The following SPPL2A variants were observed in gnomAD, a reference collection of about 807,000 sequenced individuals.
The protein encoded by SPPL2A is signal peptide peptidase like 2A.
A neutral mutation model predicts 63.8 loss-of-function variants in SPPL2A; 51 were observed. The observed-to-expected ratio is 0.80, with a 90% CI of 0.64 to 1.01. The LOEUF (loss-of-function observed/expected upper bound fraction) is 1.01, where lower values mean the gene tolerates loss of function less well. Ranked by LOEUF, SPPL2A falls within the 50% of genes least tolerant of loss-of-function variation. SPPL2A has a pLI of 0.00. For synonymous variants in SPPL2A, 188 were observed against 205.8 expected (o/e 0.91, Z 0.74); for missense variants, 553 against 622.7 (o/e 0.89, Z 1.19).
intron 14 of SPPL2A, among the ~76,000 whole-genome samples, chr15:50,712,174 T>C (rs1423140060): frequency 2.0e-5 from 3 of 152,190 alleles, no homozygotes; most frequent in Admixed American, 2.0e-4. Flanking sequence ...TAACAGCTAA[T>C]ACTTAGTGAG....
chr15:50,726,748 C>G (rs916472597), intron 10 of SPPL2A, among the ~76,000 whole-genome samples: 5 of 152,128 alleles, frequency 3.3e-5, no homozygotes, highest in African/African-American at 1.2e-4. Flanking sequence ...ACTATATGTT[C>G]TTAGCAGTTT....
chr15:50,720,772 A>G (rs574601220), intron 13 of SPPL2A, among the ~76,000 whole-genome samples: 16 of 152,000 alleles, frequency 1.1e-4, no homozygotes, highest in African/African-American at 3.9e-4. Flanking sequence ...CACCCGCTTC[A>G]GCCTCCCGAA....
intron 14 of SPPL2A, among the ~76,000 whole-genome samples, chr15:50,716,339 T>G (rs1296548157): frequency 6.6e-6 from 1 of 151,812 alleles, no homozygotes; most frequent in Non-Finnish European, 1.5e-5. Flanking sequence ...GGATTACAAG[T>G]ATGTGCCACC....
Position 50,753,341 on chromosome 15 carries a change from G to C in SPPL2A, c.67-3595C>G, listed in dbSNP as rs149766488. 5.1e-4 allele frequency among the ~76,000 whole-genome samples: 77 copies of C among 152,328 alleles called. No individual in the cohort carries two copies. The East Asian group carries it at 0.014, about 28-fold the overall frequency. ...TGCAGCAAATTTTGTGAGGGAGCCA[G>C]CATGCCCAAACAAGTTAAGCCTTTC... is the stretch of plus-strand genomic sequence containing the variant. On this transcript the variant is annotated intron_variant, in intron 1 of 14. Transcript: ENST00000261854.
At chr15:50,719,903 CATAAG>C (rs5812526) in intron 14 of SPPL2A, 32 bp downstream of exon 14, 456,511 of 1,543,446 alleles carry the variant, frequency 0.3, 71,368 homozygotes, top group East Asian at 0.53. Flanking sequence ...TAAATTAAGC[CATAAG>C]ATAACTTGGT....
At chr15:50,740,740 A>G (rs1011301392) in intron 5 of SPPL2A, among the ~76,000 whole-genome samples, 3 of 151,970 alleles carry the variant, frequency 2.0e-5, no homozygotes, top group African/African-American at 7.2e-5. Context: ...CCTCCCAAGT[A>G]GCTGGGACTA....
rs148403812 is a variant in SPPL2A, at chr15:50,740,826, G to C, written c.585-998C>G. 3.8e-4 allele frequency among the ~76,000 whole-genome samples: 58 copies of C among 152,194 alleles called. 1 individual carries two copies. In the East Asian group the frequency reaches 0.011, roughly 29 times the overall value. ...GGGTTTCACCATGTTGCCCTGGCTG[G>C]TCTCGAACTGAGCTCAGGCAAACCA... On this transcript the variant is annotated intron_variant, in intron 5 of 14. Coordinates refer to ENST00000261854, the MANE Select transcript of SPPL2A (RefSeq NM_032802.4).
intron 10 of SPPL2A, among the ~76,000 whole-genome samples, chr15:50,728,111 A>G (rs951555348): frequency 6.6e-6 from 1 of 152,232 alleles, no homozygotes. Context: ...AGTGAAGAGT[A>G]GTGTCAGAAT....
Position 50,739,709 on chromosome 15 carries a change from A to G in SPPL2A, c.704T>C (p.Val235Ala). The change falls in exon 6 of 15, where the codon GTC (valine) becomes GCC (alanine). Residue 235 changes from valine (V) to alanine (A), a missense_variant. By Grantham distance (64) the Val-to-Ala change is moderately conservative. Coordinates refer to ENST00000261854, the MANE Select transcript of SPPL2A (RefSeq NM_032802.4). Reference sequence around the variant, plus strand: ...CCATTTGTAGAAGAAATAAAGTAAGACCATCATAACACAGCAGATGACCAC... The same window carrying G: ...CCATTTGTAGAAGAAATAAAGTAAGGCCATCATAACACAGCAGATGACCAC... Reference protein sequence around the residue: ...IFVVICCVMMVLLYFFYKWLV... With the variant: ...IFVVICCVMMALLYFFYKWLV... The G allele has an allele frequency of 6.3e-7, 1 of 1,593,022 alleles. No individual in the cohort carries two copies. The highest frequency in any genetic ancestry group is 8.5e-7 in the Non-Finnish European group (1 of 1,173,332).
rs190896842 is a variant in SPPL2A at position 50,764,904 on chromosome 15, C to A, written c.66+564G>T. ...TTATTTTAAATTACTGCTATTAAAA[C>A]CCCCCCTCCAAAAAAAAAAAACCCT... is the stretch of plus-strand genomic sequence containing the variant. On this transcript the variant is annotated intron_variant, in intron 1 of 14. Transcript: ENST00000261854. Among the ~76,000 whole-genome samples, 504 of 135,810 alleles carry A rather than the reference C, an allele frequency of 3.7e-3. 4 individuals are homozygous for A. The highest frequency in any genetic ancestry group is 0.014 in the African/African-American group (490 of 35,152). The allele number at this position is 135,810 out of a possible 152,430, so 89.1% of individuals were successfully genotyped here. A position where few individuals can be genotyped will look rare whatever the true frequency, so the allele number is the denominator to read the frequency against.
chr15:50,748,770 C>T lies in SPPL2A; in HGVS notation c.278G>A (p.Gly93Glu), dbSNP rs1165813413. The change falls in exon 3 of 15, where the codon GGA (glycine) becomes GAA (glutamate). Residue 93 changes from glycine to glutamate, a missense_variant. Gly to Glu is a moderately conservative substitution (Grantham distance 98). Transcript: ENST00000261854. ...GGCTTTTTCAAGAAAATGGCAGCTT[C>T]CCCATGGAACCACAACTGCTTTGCT... ...IKSKAVVVPW[G>E]SCHFLEKARI... 1 of 1,611,922 alleles carries T rather than the reference C, an allele frequency of 6.2e-7. No homozygotes were observed. The highest frequency in any genetic ancestry group is 1.1e-5 in the South Asian group (1 of 90,878).
chr15:50,759,559 C>T lies in SPPL2A; in HGVS notation c.66+5909G>A, dbSNP rs766373288. On this transcript the variant is annotated intron_variant, in intron 1 of 14. Transcript: ENST00000261854. Reference sequence around the variant, plus strand: ...GAGAACAAGACCATCCTGGCTAACACGGTGAAACCCCGTCTCTACTAAAAA... The same window carrying T: ...GAGAACAAGACCATCCTGGCTAACATGGTGAAACCCCGTCTCTACTAAAAA... 3.9e-5 allele frequency among the ~76,000 whole-genome samples: 6 copies of T among 152,102 alleles called. No homozygotes were observed. The East Asian group carries it at 5.8e-4, about 15-fold the overall frequency.
intron 11 of SPPL2A, chr15:50,725,963 C>A (rs1000346367): frequency 1.9e-6 from 1 of 525,316 alleles, no homozygotes; most frequent in Non-Finnish European, 3.1e-6. Context: ...GAAAACAGAA[C>A]AGGCCTAATT....
At chr15:50,739,639 A>C in intron 6 of SPPL2A, 41 bp downstream of exon 6, 1 of 1,373,500 alleles carries the variant, frequency 7.3e-7, no homozygotes, top group Non-Finnish European at 9.8e-7. Context: ...AGTGAAAAGA[A>C]TGTATGTTAA....
intron 14 of SPPL2A, among the ~76,000 whole-genome samples, chr15:50,708,142 C>T (rs191948672): frequency 7.2e-5 from 11 of 152,284 alleles, no homozygotes; most frequent in Non-Finnish European, 1.2e-4. Context: ...AATATGAATA[C>T]TGCCCTTCAT....
At chr15:50,729,668 GAAA>G (rs761361527) in intron 10 of SPPL2A, among the ~76,000 whole-genome samples, 75 of 148,886 alleles carry the variant, frequency 5.0e-4, no homozygotes, top group Non-Finnish European at 8.8e-4. Context: ...CAAAGAAGAG[GAAA>G]AAAAAAAGTT....
intron 12 of SPPL2A, among the ~76,000 whole-genome samples, chr15:50,723,842 A>G (rs2062666043): frequency 6.6e-6 from 1 of 152,194 alleles, no homozygotes; most frequent in Non-Finnish European, 1.5e-5. Flanking sequence ...TCTTGTAAGA[A>G]ATTTGTTGAA....
chr15:50,756,480 A>G (rs2062958118), intron 1 of SPPL2A, among the ~76,000 whole-genome samples: 1 of 152,042 alleles, frequency 6.6e-6, no homozygotes, highest in African/African-American at 2.4e-5. Flanking sequence ...CCTCCAAGTT[A>G]GAGACATGCT....
At position 50,732,614 on chromosome 15, in the gene SPPL2A, G is replaced by T. The variant is rs1364231637; in HGVS notation, c.1003C>A (p.Pro335Thr). 1 of 1,592,712 alleles carries T rather than the reference G, an allele frequency of 6.3e-7. No homozygotes were observed. Among genetic ancestry groups the T allele is most frequent in the Middle Eastern group, 1.7e-4 (1 of 5,846 alleles). The change falls in exon 9 of 15, where the codon CCC becomes ACC. Residue 335 changes from proline (P) to threonine (T), a missense_variant. Coordinates refer to ENST00000261854, the MANE Select transcript of SPPL2A (RefSeq NM_032802.4). Reference protein sequence around the residue: ...CLNLIKTLKLPNFKSCVILLG... With the variant: ...CLNLIKTLKLTNFKSCVILLG... ...ATTGTATACATTACCTTGAAGTTGG[G>T]CAACTTCAGTGTTTTAATTAAATTC...
Sources: gnomAD v4.1 joint callset for allele counts (sites outside exome capture counted in the v4.1 genomes callset) on GRCh38, gnomAD v4.1.1 for gene constraint, MANE v1.5 for transcripts, NCBI Gene and HGNC (gene_info 2026-07-23, HGNC 2026-07-21) for gene names.